The following NKAIN3 variants were observed in gnomAD, a reference collection of about 807,000 sequenced individuals.
NKAIN3 encodes the protein sodium/potassium-transporting ATPase subunit beta-1-interacting protein 3.
In NKAIN3, 25 loss-of-function variants were observed where a neutral mutation model predicts 30.2. That is an observed-to-expected ratio of 0.83 (90% confidence interval 0.60 to 1.16). NKAIN3 has a LOEUF of 1.16. Ranked by LOEUF, NKAIN3 falls within the 50% of genes most tolerant of loss-of-function variation. The pLI is 0.00. For missense variants in NKAIN3, 225 were observed against 254.1 expected (o/e 0.89, Z 0.78); for synonymous variants, 91 against 89.6 (o/e 1.02, Z -0.09).
intron 4 of NKAIN3, among the ~76,000 whole-genome samples, chr8:62,828,640 C>G (rs4366080): frequency 3.5e-4 from 54 of 152,128 alleles, no homozygotes; most frequent in Non-Finnish European, 5.1e-4. Context: ...CTCTTTGAAT[C>G]TGTTAGAGCT....
chr8:62,927,176 C>A (rs1822475540), intron 5 of NKAIN3, among the ~76,000 whole-genome samples: 1 of 151,964 alleles, frequency 6.6e-6, no homozygotes, highest in Non-Finnish European at 1.5e-5. Flanking sequence ...CACTCCCTTC[C>A]TCACCCCCCT....
At chr8:62,574,591 A>T (rs531844925) in intron 1 of NKAIN3, among the ~76,000 whole-genome samples, 1 of 152,136 alleles carries the variant, frequency 6.6e-6, no homozygotes. Context: ...AGATTAATGG[A>T]ACAGCATAAA....
chr8:62,533,330 G>A (rs114411185), intron 1 of NKAIN3, among the ~76,000 whole-genome samples: 2,491 of 152,276 alleles, frequency 0.016, 67 homozygotes, highest in African/African-American at 0.057. Flanking sequence ...CCTTCTGGGG[G>A]GATAATCTTA....
intron 4 of NKAIN3, chr8:62,855,662 T>G: frequency 6.2e-7 from 1 of 1,604,242 alleles, no homozygotes; most frequent in African/African-American, 1.3e-5. Flanking sequence ...GAAGTGCTGC[T>G]GCAGCCCAGG....
intron 1 of NKAIN3, among the ~76,000 whole-genome samples, chr8:62,263,782 A>T (rs1812521599): frequency 6.6e-6 from 1 of 152,198 alleles, no homozygotes. Flanking sequence ...AAATCGTTGA[A>T]TATTTTTGGA....
chr8:62,794,539 A>C, intron 4 of NKAIN3, among the ~76,000 whole-genome samples: 1 of 152,268 alleles, frequency 6.6e-6, no homozygotes, highest in African/African-American at 2.4e-5. Flanking sequence ...TATCTATTAA[A>C]GTGTTTCTTG....
chr8:62,869,506 G>T (rs1820525987), intron 4 of NKAIN3, among the ~76,000 whole-genome samples: 1 of 152,168 alleles, frequency 6.6e-6, no homozygotes, highest in East Asian at 1.9e-4. Flanking sequence ...ATTGTTTTAT[G>T]GAAATGTTTC....
intron 4 of NKAIN3, among the ~76,000 whole-genome samples, chr8:62,793,826 T>A (rs899288196): frequency 6.6e-6 from 1 of 152,190 alleles, no homozygotes; most frequent in African/African-American, 2.4e-5. Flanking sequence ...TTACCCAGAA[T>A]GTCTATAATC....
rs182740024 is a variant in NKAIN3, at chr8:62,972,338, T to C, written c.*6931T>C. Among the ~76,000 whole-genome samples the C allele has an allele frequency of 2.6e-5, 4 of 152,288 alleles. No homozygotes were observed. Among genetic ancestry groups the C allele is most frequent in the Non-Finnish European group, 5.9e-5 (4 of 68,022 alleles). On this transcript the variant is annotated 3_prime_UTR_variant, in exon 7 of 7. Transcript: ENST00000623646. ...CAAAAAAATATACAAGTGAGGGAATTAATAAAATTTTTTGTAATTATAAAT... is the reference window on the plus strand; with the variant it reads ...CAAAAAAATATACAAGTGAGGGAATCAATAAAATTTTTTGTAATTATAAAT...
intron 3 of NKAIN3, among the ~76,000 whole-genome samples, chr8:62,619,456 A>G (rs907689841): frequency 2.0e-5 from 3 of 152,182 alleles, no homozygotes; most frequent in East Asian, 1.9e-4. Flanking sequence ...CCAATTGCCA[A>G]TCAGAAAATT....
intron 4 of NKAIN3, among the ~76,000 whole-genome samples, chr8:62,765,277 G>T (rs1408581763): frequency 4.3e-5 from 6 of 140,260 alleles, no homozygotes; most frequent in Non-Finnish European, 7.8e-5. Context: ...GAAAAGAAAA[G>T]AAAAGAAAAG....
At chr8:62,439,096 A>G (rs916640165) in intron 1 of NKAIN3, among the ~76,000 whole-genome samples, 4 of 152,200 alleles carry the variant, frequency 2.6e-5, no homozygotes, top group African/African-American at 9.6e-5. Context: ...GGCTTTATCC[A>G]AGGATCACCA....
intron 3 of NKAIN3, among the ~76,000 whole-genome samples, chr8:62,687,573 A>G (rs745369339): frequency 4.6e-5 from 7 of 152,180 alleles, no homozygotes; most frequent in Non-Finnish European, 1.0e-4. Context: ...TGTATTCCCA[A>G]GCCCTCCAAC....
At chr8:62,856,172 G>A (rs899680) in intron 4 of NKAIN3, 467,667 of 750,176 alleles carry the variant, frequency 0.62, 150,785 homozygotes, top group Non-Finnish European at 0.7. Flanking sequence ...GGTATCACTA[G>A]GCAGAAGCAA....
intron 1 of NKAIN3, among the ~76,000 whole-genome samples, chr8:62,541,745 A>G (rs1039153696): frequency 1.3e-5 from 2 of 151,302 alleles, no homozygotes; most frequent in South Asian, 4.2e-4. Context: ...TGCATTTCTG[A>G]TGTTTCTCAT....
intron 3 of NKAIN3, among the ~76,000 whole-genome samples, chr8:62,716,948 C>A (rs1395495049): frequency 6.6e-6 from 1 of 152,002 alleles, no homozygotes; most frequent in African/African-American, 2.4e-5. Context: ...AAATAAAACC[C>A]AACCAAAATT....
chr8:62,828,760 T>G (rs1586243364), intron 4 of NKAIN3, among the ~76,000 whole-genome samples: 1 of 152,102 alleles, frequency 6.6e-6, no homozygotes, highest in Non-Finnish European at 1.5e-5. Flanking sequence ...CACTTACTCT[T>G]GGAACTCAGC....
At chr8:62,541,143 C>G (rs1371502453) in intron 1 of NKAIN3, among the ~76,000 whole-genome samples, 3 of 151,050 alleles carry the variant, frequency 2.0e-5, no homozygotes, top group East Asian at 3.9e-4. Flanking sequence ...AACCCGGTCT[C>G]AACTAAAAAT....
rs1366043446 is a variant in NKAIN3 at position 62,974,956 on chromosome 8, A to G, written c.*9549A>G. 6.6e-6 allele frequency among the ~76,000 whole-genome samples: 1 copy of G among 152,202 alleles called. No homozygotes were observed. The highest frequency in any genetic ancestry group is 1.9e-4 in the East Asian group (1 of 5,200). On this transcript the variant is annotated 3_prime_UTR_variant, in exon 7 of 7. Coordinates refer to ENST00000623646, the MANE Select transcript of NKAIN3 (RefSeq NM_001304533.3). ...GTCATTGGTTCTGTTTATGTGATGG[A>G]TTACATTCATTCATTTGCATATGTT...
Sources: allele counts gnomAD v4.1 joint callset (sites outside exome capture counted in the v4.1 genomes callset), GRCh38; gene constraint gnomAD v4.1.1; transcripts MANE v1.5; gene names NCBI Gene and HGNC (gene_info 2026-07-23, HGNC 2026-07-21).